SCHIP1: variants seen among roughly 807,000 people sequenced by gnomAD.
The protein encoded by SCHIP1 is schwannomin-interacting protein 1.
In SCHIP1, 8 loss-of-function variants were observed where a neutral mutation model predicts 29.7. That is an observed-to-expected ratio of 0.27 (90% CI 0.16 to 0.49). The LOEUF (loss-of-function observed/expected upper bound fraction) is 0.49, where lower values mean the gene tolerates loss of function less well. Ranked by LOEUF, SCHIP1 falls within the 20% of genes least tolerant of loss-of-function variation. The probability of loss-of-function intolerance (pLI) is 0.99; values close to 1 mark genes in which losing one functional copy is unlikely to be tolerated. For synonymous variants in SCHIP1, 76 were observed against 94.9 expected (o/e 0.80, Z 1.16); for missense variants, 193 against 294.6 (o/e 0.66, Z 2.52).
At chr3:159,358,920 C>CTTTT in the SCHIP1 span, among the ~76,000 whole-genome samples, 318 of 96,572 alleles carry the variant, frequency 3.3e-3, 15 homozygotes, top group African/African-American at 0.015. Flanking sequence ...TATTAGCATC[C>CTTTT]TTTTTTTTTT....
the SCHIP1 span, among the ~76,000 whole-genome samples, chr3:159,366,800 G>C: frequency 3.9e-5 from 6 of 152,144 alleles, no homozygotes; most frequent in Non-Finnish European, 8.8e-5. Context: ...GCATGGGACA[G>C]CAACATTTCA....
At chr3:159,315,655 C>T in the SCHIP1 span, among the ~76,000 whole-genome samples, 1 of 151,930 alleles carries the variant, frequency 6.6e-6, no homozygotes, top group African/African-American at 2.4e-5. Flanking sequence ...CATTAGAAGA[C>T]AGTTAATAGT....
chr3:159,391,499 C>A, the SCHIP1 span, among the ~76,000 whole-genome samples: 1 of 151,942 alleles, frequency 6.6e-6, no homozygotes, highest in Non-Finnish European at 1.5e-5. Context: ...GGGCATTTGC[C>A]TGAAAGCAAT....
the SCHIP1 span, among the ~76,000 whole-genome samples, chr3:159,529,698 C>A: frequency 6.6e-6 from 1 of 152,184 alleles, no homozygotes; most frequent in South Asian, 2.1e-4. Context: ...CCATCAAACA[C>A]TAGAATTTAC....
At chr3:159,304,181 C>T in the SCHIP1 span, among the ~76,000 whole-genome samples, 1 of 152,130 alleles carries the variant, frequency 6.6e-6, no homozygotes, top group African/African-American at 2.4e-5. Flanking sequence ...TCATAGTGTA[C>T]TTATAGATCC....
chr3:159,482,190 C>A, the SCHIP1 span, among the ~76,000 whole-genome samples: 1 of 152,132 alleles, frequency 6.6e-6, no homozygotes, highest in African/African-American at 2.4e-5. Flanking sequence ...GACAAGGTAG[C>A]TTAACACAGA....
At chr3:159,658,896 C>T in the SCHIP1 span, among the ~76,000 whole-genome samples, 5 of 152,186 alleles carry the variant, frequency 3.3e-5, no homozygotes, top group South Asian at 8.3e-4. Flanking sequence ...CCAAAAACCT[C>T]GGAGTCATTC....
the SCHIP1 span, among the ~76,000 whole-genome samples, chr3:159,741,389 C>T: frequency 0.3 from 45,714 of 152,030 alleles, 7,088 homozygotes; most frequent in African/African-American, 0.38. Flanking sequence ...CACTGACATG[C>T]ACCAGTTTCA....
the SCHIP1 span, among the ~76,000 whole-genome samples, chr3:159,454,059 ACT>A: frequency 6.6e-6 from 1 of 152,182 alleles, no homozygotes; most frequent in East Asian, 1.9e-4. Flanking sequence ...TGTTGCTTAG[ACT>A]CTCAAAATTC....
At chr3:159,489,433 A>T in the SCHIP1 span, among the ~76,000 whole-genome samples, 3 of 152,234 alleles carry the variant, frequency 2.0e-5, no homozygotes, top group African/African-American at 7.2e-5. Flanking sequence ...TGTGATAAGG[A>T]GATAAAAACC....
At chr3:159,469,543 C>A in the SCHIP1 span, among the ~76,000 whole-genome samples, 1 of 152,088 alleles carries the variant, frequency 6.6e-6, no homozygotes, top group Admixed American at 6.6e-5. Flanking sequence ...AACAAGTATT[C>A]ATTTATTTCC....
the SCHIP1 span, among the ~76,000 whole-genome samples, chr3:159,433,409 G>C: frequency 6.6e-6 from 1 of 152,152 alleles, no homozygotes; most frequent in Non-Finnish European, 1.5e-5. Context: ...CTTAAGAGCA[G>C]GGCTGGTGCC....
chr3:159,834,224 A>G, the SCHIP1 span, among the ~76,000 whole-genome samples: 1 of 152,236 alleles, frequency 6.6e-6, no homozygotes, highest in Non-Finnish European at 1.5e-5. Context: ...GAGTAAACCA[A>G]CCAAGATGTA....
the SCHIP1 span, among the ~76,000 whole-genome samples, chr3:159,407,175 A>G: frequency 3.9e-5 from 6 of 152,308 alleles, no homozygotes; most frequent in African/African-American, 1.4e-4. Flanking sequence ...GATATACATA[A>G]ACCAAAAATA....
chr3:159,476,756 A>G, the SCHIP1 span, among the ~76,000 whole-genome samples: 1 of 152,300 alleles, frequency 6.6e-6, no homozygotes, highest in East Asian at 1.9e-4. Context: ...ACAATGTGGA[A>G]TAAAATCAAC....
chr3:159,869,131 A>G (rs994671773), intron 2 of SCHIP1, among the ~76,000 whole-genome samples: 1 of 152,080 alleles, frequency 6.6e-6, no homozygotes, highest in African/African-American at 2.4e-5. Flanking sequence ...TTCTTCAGTC[A>G]TGATACTAAT....
chr3:159,405,925 T>A, the SCHIP1 span, among the ~76,000 whole-genome samples: 2 of 141,850 alleles, frequency 1.4e-5, no homozygotes, highest in South Asian at 2.3e-4. Flanking sequence ...ACAGAGAAGA[T>A]AAAAAATAAT....
At chr3:159,740,726 T>C in the SCHIP1 span, among the ~76,000 whole-genome samples, 1 of 108,928 alleles carries the variant, frequency 9.2e-6, no homozygotes, top group African/African-American at 3.8e-5. Flanking sequence ...CTTCATTGTG[T>C]AGCCAAAAAA....
chr3:159,581,715 C>T, the SCHIP1 span, among the ~76,000 whole-genome samples: 1 of 152,108 alleles, frequency 6.6e-6, no homozygotes, highest in East Asian at 1.9e-4. Flanking sequence ...GTAAAGTCTA[C>T]CTGATTTCAA....
Sources: allele counts gnomAD v4.1 joint callset (sites outside exome capture counted in the v4.1 genomes callset), GRCh38; gene constraint gnomAD v4.1.1; transcripts MANE v1.5; gene names NCBI Gene and HGNC (gene_info 2026-07-23, HGNC 2026-07-21).